Variants in LRP1B observed in about 807,000 individuals in gnomAD.
The protein encoded by LRP1B is LDL receptor related protein 1B, also known as low-density lipoprotein receptor-related protein 1B.
In LRP1B, 217 loss-of-function variants were observed where a neutral mutation model predicts 556.6. The observed-to-expected ratio is 0.39, with a 90% CI of 0.35 to 0.44. The LOEUF is 0.44. LRP1B is among the 20% of genes least tolerant of loss of function. The pLI is 1.00. For synonymous variants in LRP1B, 2,047 were observed against 1,865.8 expected (o/e 1.10, Z -2.50); for missense variants, 5,053 against 5,620.8 (o/e 0.90, Z 3.23).
At chr2:140,424,059 CAT>C (rs949224210) in intron 66 of LRP1B, among the ~76,000 whole-genome samples, 2 of 152,092 alleles carry the variant, frequency 1.3e-5, no homozygotes, top group African/African-American at 4.8e-5. Flanking sequence ...TGAAGACTCA[CAT>C]GTTTTAGTCT....
At chr2:141,206,131 TCACACACA>T (rs10556736) in intron 6 of LRP1B, among the ~76,000 whole-genome samples, 7 of 149,538 alleles carry the variant, frequency 4.7e-5, no homozygotes, top group East Asian at 4.0e-4. Context: ...AGTGTACTAT[TCACACACA>T]CACACACACA....
At chr2:141,893,874 T>C (rs957461033) in intron 1 of LRP1B, among the ~76,000 whole-genome samples, 2 of 152,232 alleles carry the variant, frequency 1.3e-5, no homozygotes, top group African/African-American at 2.4e-5. Context: ...TGTATTATAA[T>C]GAAAGATTTA....
chr2:140,691,779 TA>T (rs1209465577), intron 41 of LRP1B, among the ~76,000 whole-genome samples: 1 of 152,190 alleles, frequency 6.6e-6, no homozygotes, highest in Admixed American at 6.5e-5. Context: ...ATTAATTTAC[TA>T]ATGGTATCTA....
chr2:141,034,319 A>T (rs980109654), intron 11 of LRP1B, among the ~76,000 whole-genome samples: 1 of 152,142 alleles, frequency 6.6e-6, no homozygotes, highest in Non-Finnish European at 1.5e-5. Context: ...CATGTCTAAA[A>T]CACCAAAAGC....
chr2:140,715,931 C>G, intron 37 of LRP1B, 42 bp downstream of exon 37: 2 of 1,443,304 alleles, frequency 1.4e-6, no homozygotes, highest in Non-Finnish European at 1.9e-6. Context: ...ACTTAGAAAA[C>G]TCACATAAAA....
intron 32 of LRP1B, among the ~76,000 whole-genome samples, chr2:140,780,088 G>A (rs1285969360): frequency 6.6e-6 from 1 of 151,948 alleles, no homozygotes; most frequent in African/African-American, 2.4e-5. Context: ...AAAAAAGAAA[G>A]TAAGGGAGGG....
chr2:141,240,177 A>G (rs1175150943), intron 5 of LRP1B, among the ~76,000 whole-genome samples: 5 of 152,112 alleles, frequency 3.3e-5, no homozygotes, highest in African/African-American at 1.2e-4. Flanking sequence ...GATTTTAGGC[A>G]TCCTGATTAG....
chr2:141,980,581 C>A (rs1702015624), intron 1 of LRP1B, among the ~76,000 whole-genome samples: 1 of 151,970 alleles, frequency 6.6e-6, no homozygotes, highest in Non-Finnish European at 1.5e-5. Context: ...AATTAGAAAG[C>A]AAATGGGAAT....
Position 140,238,104 on chromosome 2 carries a change from G to A in LRP1B, c.13560+48C>T, listed in dbSNP as rs145315710. 38 of 1,491,662 alleles carry A rather than the reference G, an allele frequency of 2.5e-5. No individual in the cohort carries two copies. In the East Asian group the frequency reaches 6.9e-4, roughly 27 times the overall value. The allele number at this position is 1,491,662 out of a possible 1,614,324, so 92.4% of individuals were successfully genotyped here. On this transcript the variant is annotated intron_variant, in intron 89 of 90. Coordinates refer to ENST00000389484, the MANE Select transcript of LRP1B (RefSeq NM_018557.3). Reference sequence around the variant, plus strand: ...ATTCAGAACCATAAAACAGAGATGCGACTCAAGAATGTTAGTGCTCACTGC... The same window carrying A: ...ATTCAGAACCATAAAACAGAGATGCAACTCAAGAATGTTAGTGCTCACTGC...
chr2:141,994,665 T>C (rs2105122497), intron 1 of LRP1B, among the ~76,000 whole-genome samples: 1 of 152,206 alleles, frequency 6.6e-6, no homozygotes, highest in East Asian at 1.9e-4. Context: ...TGTAAGGATA[T>C]CATGAAAGAA....
intron 27 of LRP1B, among the ~76,000 whole-genome samples, chr2:140,857,611 A>G (rs150450855): frequency 0.011 from 1,710 of 152,230 alleles, 17 homozygotes; most frequent in Non-Finnish European, 0.017. Context: ...AGTATTATTT[A>G]TGAGGGAGCA....
At chr2:142,108,723 T>C (rs2104984415) in intron 1 of LRP1B, among the ~76,000 whole-genome samples, 1 of 152,268 alleles carries the variant, frequency 6.6e-6, no homozygotes, top group African/African-American at 2.4e-5. Flanking sequence ...GGATGGAGGA[T>C]TTTTAAAATT....
chr2:141,631,558 A>G (rs1007765393), intron 2 of LRP1B, among the ~76,000 whole-genome samples: 150 of 145,188 alleles, frequency 1.0e-3, no homozygotes, highest in South Asian at 5.4e-3. Context: ...AAAAAAAAAA[A>G]GGGGAAATTC....
chr2:141,567,384 T>C lies in LRP1B; in HGVS notation c.206-86851A>G, dbSNP rs1189530211. Among the ~76,000 whole-genome samples, 5 of 152,302 alleles carry C rather than the reference T, an allele frequency of 3.3e-5. No individual in the cohort carries two copies. In the East Asian group the frequency reaches 9.7e-4, roughly 29 times the overall value. On this transcript the variant is annotated intron_variant, in intron 2 of 90. Coordinates refer to ENST00000389484, the MANE Select transcript of LRP1B (RefSeq NM_018557.3). ...CATAGGCTAAGGATTTTGTTATTTG[T>C]TTCAAAGAACAAAAACCAATAGATA...
chr2:140,991,242 T>G (rs1697084635), intron 16 of LRP1B, among the ~76,000 whole-genome samples: 1 of 152,120 alleles, frequency 6.6e-6, no homozygotes, highest in Non-Finnish European at 1.5e-5. Flanking sequence ...ATCAAGGACT[T>G]TTGCAATTTT....
intron 1 of LRP1B, among the ~76,000 whole-genome samples, chr2:141,976,879 CTG>C (rs1701901735): frequency 1.3e-5 from 2 of 152,040 alleles, no homozygotes; most frequent in Admixed American, 1.3e-4. Context: ...GATAAAAGAA[CTG>C]TTATACTTTT....
chr2:140,821,478 TATATCA>T (rs1340137959), intron 31 of LRP1B, among the ~76,000 whole-genome samples: 1 of 152,184 alleles, frequency 6.6e-6, no homozygotes. Context: ...GTAATAAGTA[TATATCA>T]ATAACAGAAA....
chr2:140,717,274 A>C (rs544672365), intron 35 of LRP1B, among the ~76,000 whole-genome samples: 1 of 152,194 alleles, frequency 6.6e-6, no homozygotes, highest in African/African-American at 2.4e-5. Context: ...GAGAGGACAG[A>C]AAGAAACATA....
chr2:141,985,869 A>C (rs1028933180), intron 1 of LRP1B, among the ~76,000 whole-genome samples: 11 of 151,996 alleles, frequency 7.2e-5, no homozygotes, highest in Non-Finnish European at 1.2e-4. Flanking sequence ...TTGCAACTCT[A>C]ATAAATTAGA....
Sources: allele counts gnomAD v4.1 joint callset (sites outside exome capture counted in the v4.1 genomes callset), GRCh38; gene constraint gnomAD v4.1.1; transcripts MANE v1.5; gene names NCBI Gene and HGNC (gene_info 2026-07-23, HGNC 2026-07-21).